The following THSD7B variants were observed in gnomAD, a reference collection of about 807,000 sequenced individuals.
THSD7B encodes thrombospondin type-1 domain-containing protein 7B.
Under a neutral mutation model 213.6 loss-of-function variants are expected in THSD7B, and 138 were observed. That is an observed-to-expected ratio of 0.65 (90% CI 0.56 to 0.74). The LOEUF is 0.74. Among genes scored for constraint, THSD7B ranks in the 30% least tolerant of loss-of-function variants. The pLI, the probability that THSD7B is intolerant of heterozygous loss-of-function variation, is 0.00. For synonymous variants in THSD7B, 742 were observed against 687.0 expected, an observed-to-expected ratio of 1.08 and a Z score of -1.25; for missense variants, 1,931 against 1,991.5, an observed-to-expected ratio of 0.97 and a Z score of 0.58.
intron 15 of THSD7B, among the ~76,000 whole-genome samples, chr2:137,483,969 G>C (rs1688364997): frequency 6.6e-6 from 1 of 152,020 alleles, no homozygotes; most frequent in Non-Finnish European, 1.5e-5. Context: ...TTGAGGGCTG[G>C]ACATTATGCG....
intron 20 of THSD7B, among the ~76,000 whole-genome samples, chr2:137,626,478 AAAG>A (rs143627216): frequency 0.13 from 18,230 of 140,122 alleles, 1,495 homozygotes; most frequent in African/African-American, 0.23. Flanking sequence ...AAAAAAAAAA[AAAG>A]AAAAAGAAAA....
rs145296299 is a variant in THSD7B at position 137,296,290 on chromosome 2, C to T, written c.2500+20264C>T. 8.6e-3 allele frequency among the ~76,000 whole-genome samples: 1,307 copies of T among 152,196 alleles called. 20 individuals are homozygous for T. The highest frequency in any genetic ancestry group is 0.03 in the African/African-American group (1,232 of 41,542). ...GTTTTCTTCAGCTTAACTCTTACTG[C>T]ACTTAGGGATTATTTTTCTTGCTTT... On this transcript the variant is annotated intron_variant, in intron 12 of 27. Transcript: ENST00000409968.
At chr2:137,221,625 G>A (rs1211441570) in intron 7 of THSD7B, among the ~76,000 whole-genome samples, 1 of 152,122 alleles carries the variant, frequency 6.6e-6, no homozygotes, top group African/African-American at 2.4e-5. Context: ...AGTAATCAAC[G>A]TGTTATGGTC....
At chr2:136,952,434 C>CTTTTTT (rs35848268) in intron 2 of THSD7B, among the ~76,000 whole-genome samples, 1,417 of 125,462 alleles carry the variant, frequency 0.011, 26 homozygotes, top group African/African-American at 0.039. Flanking sequence ...GGGCAGAAAA[C>CTTTTTT]TTTTTTTTTT....
chr2:137,099,272 C>T (rs1387750320), intron 4 of THSD7B, among the ~76,000 whole-genome samples: 2 of 152,122 alleles, frequency 1.3e-5, no homozygotes, highest in Non-Finnish European at 2.9e-5. Flanking sequence ...GATACCTTGG[C>T]ACTTGGGCAC....
chr2:137,352,911 A>G (rs1685044946), intron 12 of THSD7B, among the ~76,000 whole-genome samples: 1 of 151,794 alleles, frequency 6.6e-6, no homozygotes, highest in Non-Finnish European at 1.5e-5. Context: ...TATATATATT[A>G]TATAATGCAT....
At chr2:137,594,213 T>C (rs775771552) in intron 17 of THSD7B, among the ~76,000 whole-genome samples, 23 of 152,134 alleles carry the variant, frequency 1.5e-4, no homozygotes, top group Non-Finnish European at 2.7e-4. Context: ...TCTAGGCTTA[T>C]ATCTCCTGCC....
chr2:137,097,681 C>T (rs1053379582), intron 4 of THSD7B, among the ~76,000 whole-genome samples: 1 of 151,278 alleles, frequency 6.6e-6, no homozygotes, highest in Non-Finnish European at 1.5e-5. Context: ...TTTGATAGAA[C>T]ATTAGAGTCT....
intron 4 of THSD7B, among the ~76,000 whole-genome samples, chr2:137,105,596 G>C (rs193151682): frequency 2.6e-5 from 4 of 152,282 alleles, no homozygotes; most frequent in Non-Finnish European, 4.4e-5. Context: ...ATTCAAATAG[G>C]AAGAGAGGAA....
At chr2:137,004,766 A>T (rs561425960) in intron 2 of THSD7B, among the ~76,000 whole-genome samples, 1 of 152,276 alleles carries the variant, frequency 6.6e-6, no homozygotes, top group African/African-American at 2.4e-5. Context: ...TTCCATATGA[A>T]TATTTACTCT....
At chr2:137,537,755 A>G (rs1010126426) in intron 15 of THSD7B, among the ~76,000 whole-genome samples, 1 of 151,884 alleles carries the variant, frequency 6.6e-6, no homozygotes, top group Admixed American at 6.6e-5. Context: ...TTTATAATTT[A>G]CATTGCTTTT....
chr2:137,538,623 GA>G (rs1419808883), intron 15 of THSD7B: 8 of 372,806 alleles, frequency 2.1e-5, no homozygotes, highest in South Asian at 4.1e-5. Flanking sequence ...ACATATGACA[GA>G]AAAAAATTCC....
At chr2:137,035,957 C>T (rs1458550352) in intron 2 of THSD7B, among the ~76,000 whole-genome samples, 1 of 152,174 alleles carries the variant, frequency 6.6e-6, no homozygotes, top group Non-Finnish European at 1.5e-5. Context: ...AGAATTGCTG[C>T]AGCAGTAGTT....
At chr2:137,421,764 A>G (rs1686934026) in intron 14 of THSD7B, among the ~76,000 whole-genome samples, 1 of 152,140 alleles carries the variant, frequency 6.6e-6, no homozygotes, top group Non-Finnish European at 1.5e-5. Flanking sequence ...AGGTGAAAGG[A>G]GGGTAGGAGA....
intron 5 of THSD7B, among the ~76,000 whole-genome samples, chr2:137,118,066 T>A (rs1341934721): frequency 6.6e-6 from 1 of 152,198 alleles, no homozygotes; most frequent in Non-Finnish European, 1.5e-5. Context: ...TAACAATCAA[T>A]GTATGTATTA....
At chr2:136,789,739 G>C (rs1396289058) in intron 1 of THSD7B, among the ~76,000 whole-genome samples, 3 of 152,064 alleles carry the variant, frequency 2.0e-5, no homozygotes, top group African/African-American at 7.2e-5. Context: ...TTTTCTTATG[G>C]GGAATTAGGG....
intron 12 of THSD7B, among the ~76,000 whole-genome samples, chr2:137,365,036 A>G (rs1685372958): frequency 1.3e-5 from 2 of 152,222 alleles, no homozygotes; most frequent in African/African-American, 4.8e-5. Flanking sequence ...CTGGTACCAG[A>G]ACAGAGATAT....
chr2:137,433,885 G>T (rs1687237918), intron 14 of THSD7B, among the ~76,000 whole-genome samples: 1 of 152,112 alleles, frequency 6.6e-6, no homozygotes, highest in Admixed American at 6.6e-5. Context: ...ATGTTCAGCT[G>T]CCCTTTGGGT....
chr2:137,393,388 C>A (rs1329090577), intron 12 of THSD7B, among the ~76,000 whole-genome samples: 1 of 151,110 alleles, frequency 6.6e-6, no homozygotes, highest in African/African-American at 2.4e-5. Context: ...TCAATTCCCA[C>A]CTATGAGTGA....
Sources: allele counts gnomAD v4.1 joint callset (sites outside exome capture counted in the v4.1 genomes callset), GRCh38; gene constraint gnomAD v4.1.1; transcripts MANE v1.5; gene names NCBI Gene and HGNC (gene_info 2026-07-23, HGNC 2026-07-21).